RPS6KA3: variants seen among roughly 807,000 people sequenced by gnomAD.
RPS6KA3 encodes ribosomal protein S6 kinase alpha-3.
In RPS6KA3, 4 loss-of-function variants were observed where a neutral mutation model predicts 67.2. The observed-to-expected ratio is 0.06, with a 90% CI of 0.03 to 0.14. RPS6KA3 has a LOEUF of 0.14. RPS6KA3 is among the 10% of genes least tolerant of loss of function. The pLI is 1.00. For synonymous variants in RPS6KA3, 182 were observed against 183.7 expected (o/e 0.99, Z 0.07); for missense variants, 204 against 559.0 (o/e 0.36, Z 6.40).
In RPS6KA3 at chrX:20,250,274, G is replaced by C. The variant is rs1261705253; in HGVS notation, c.70-15460C>G. 2.7e-5 allele frequency among the ~76,000 whole-genome samples: 3 copies of C among 111,698 alleles called. No homozygotes were observed. The Admixed American group carries it at 2.8e-4, about 11-fold the overall frequency. ...TGTGATCATAGCTAACTGCAGCCTT[G>C]AACTCCTGGGCTCAAGGGCTCCTCC... On this transcript the variant is annotated intron_variant, in intron 1 of 21. Transcript: ENST00000379565.
At chrX:20,228,199 T>A (rs2069170249) in intron 2 of RPS6KA3, among the ~76,000 whole-genome samples, 1 of 112,272 alleles carries the variant, frequency 8.9e-6, no homozygotes, top group Non-Finnish European at 1.9e-5. Context: ...CTCATTCTTT[T>A]ATACTGGAAG....
At chrX:20,203,320 T>G (rs2068490981) in intron 4 of RPS6KA3, 1 of 106,053 alleles carries the variant, frequency 9.4e-6, no homozygotes, top group Non-Finnish European at 1.9e-5. Flanking sequence ...TGGAGTGCAA[T>G]GCCACGATCT....
intron 10 of RPS6KA3, among the ~76,000 whole-genome samples, chrX:20,185,103 G>A (rs769757680): frequency 9.0e-6 from 1 of 110,979 alleles, no homozygotes; most frequent in South Asian, 3.8e-4. Context: ...CTGCTACCAT[G>A]CCCGAATAAT....
chrX:20,227,949 TCTCTC>T (rs2069164930), intron 2 of RPS6KA3, among the ~76,000 whole-genome samples: 1 of 111,771 alleles, frequency 8.9e-6, no homozygotes, highest in African/African-American at 3.2e-5. Context: ...TCTTTCTTTT[TCTCTC>T]CTACTTTCTA....
intron 2 of RPS6KA3, among the ~76,000 whole-genome samples, chrX:20,229,127 T>C (rs111483143): frequency 0.017 from 1,859 of 110,206 alleles, 36 homozygotes; most frequent in African/African-American, 0.054. Flanking sequence ...TTTTTTTTTT[T>C]CCCCTCACAG....
rs1371538976 is a variant in RPS6KA3, at chrX:20,153,545, G to T, written c.*1853C>A. 2 of 110,835 alleles carry T rather than the reference G, an allele frequency of 1.8e-5. No individual in the cohort carries two copies. Among genetic ancestry groups the T allele is most frequent in the African/African-American group, 6.6e-5 (2 of 30,503 alleles). 9.1% of individuals were successfully genotyped at this position (110,835 alleles called of 1,213,427 possible). A position where few individuals can be genotyped will look rare whatever the true frequency, so the allele number is the denominator to read the frequency against. ...TTAGGGGAAAATTTAAAGCTTCTGTGGCAGGAAAAAAGGTTTCTGATATAA... is the reference window on the plus strand; with the variant it reads ...TTAGGGGAAAATTTAAAGCTTCTGTTGCAGGAAAAAAGGTTTCTGATATAA... On this transcript the variant is annotated 3_prime_UTR_variant, in exon 22 of 22. Transcript: ENST00000379565.
chrX:20,193,820 T>A (rs937518270), intron 6 of RPS6KA3, among the ~76,000 whole-genome samples: 2 of 112,375 alleles, frequency 1.8e-5, no homozygotes, highest in African/African-American at 6.4e-5. Flanking sequence ...TTACATTTTA[T>A]TGTTAAGTAT....
Position 20,166,125 on chromosome X carries a change from G to T in RPS6KA3, c.1603-1065C>A, listed in dbSNP as rs777455165. 6.2e-5 allele frequency among the ~76,000 whole-genome samples: 7 copies of T among 112,179 alleles called. No individual in the cohort carries two copies. The South Asian group carries it at 2.6e-3, about 41-fold the overall frequency. ...ACTGTGGTAACTGAAACCACAGAAA[G>T]CAAACTTGCAGATTAGTGGGGGACT... On this transcript the variant is annotated intron_variant, in intron 17 of 21. Coordinates refer to ENST00000379565, the MANE Select transcript of RPS6KA3 (RefSeq NM_004586.3).
chrX:20,219,988 T>C (rs2068948964), intron 2 of RPS6KA3, among the ~76,000 whole-genome samples: 1 of 111,361 alleles, frequency 9.0e-6, no homozygotes, highest in South Asian at 3.7e-4. Context: ...CCAAGAATAA[T>C]CAGCTCACTT....
chrX:20,212,541 G>A (rs760876455), intron 2 of RPS6KA3, among the ~76,000 whole-genome samples: 1 of 110,690 alleles, frequency 9.0e-6, no homozygotes, highest in South Asian at 3.9e-4. Context: ...AGTCTAGCCT[G>A]GGCAATATAG....
At chrX:20,180,267 TG>T (rs1285433262) in intron 10 of RPS6KA3, among the ~76,000 whole-genome samples, 1 of 110,793 alleles carries the variant, frequency 9.0e-6, no homozygotes, top group Non-Finnish European at 1.9e-5. Context: ...TCACTTAAAG[TG>T]GGGGCAACCA....
intron 4 of RPS6KA3, among the ~76,000 whole-genome samples, chrX:20,199,969 G>A (rs2068382001): frequency 8.9e-6 from 1 of 112,225 alleles, no homozygotes; most frequent in Admixed American, 9.5e-5. Context: ...CAGACATGGA[G>A]GGTCACAAAA....
intron 1 of RPS6KA3, among the ~76,000 whole-genome samples, chrX:20,253,239 G>A (rs1220516612): frequency 9.3e-6 from 1 of 107,853 alleles, no homozygotes; most frequent in Non-Finnish European, 1.9e-5. Flanking sequence ...TCTTTGGGGT[G>A]GGGTGGGGTG....
chrX:20,163,151 C>A, intron 18 of RPS6KA3, 111 bp from the exon 19 acceptor site: 1 of 542,191 alleles, frequency 1.8e-6, no homozygotes, highest in African/African-American at 2.3e-5. Context: ...AAAATTTCAA[C>A]AGAACATGGT....
intron 1 of RPS6KA3, among the ~76,000 whole-genome samples, chrX:20,258,846 GAAC>G (rs1331226287): frequency 8.9e-6 from 1 of 111,935 alleles, no homozygotes; most frequent in Non-Finnish European, 1.9e-5. Flanking sequence ...TACTTTATGA[GAAC>G]AACAGAAAAG....
At chrX:20,248,073 T>G (rs1479331229) in intron 1 of RPS6KA3, among the ~76,000 whole-genome samples, 1 of 111,995 alleles carries the variant, frequency 8.9e-6, no homozygotes, top group Non-Finnish European at 1.9e-5. Flanking sequence ...CCATTACAGT[T>G]TCTGTTTATG....
rs770713366 is a variant in RPS6KA3, at chrX:20,219,063, T to C, written c.127-9659A>G. 2.7e-3 allele frequency: 893 copies of C among 336,649 alleles called. 5 individuals are homozygous for C. Among genetic ancestry groups the C allele is most frequent in the Non-Finnish European group, 4.2e-3 (800 of 189,665 alleles). 27.7% of individuals were successfully genotyped at this position (336,649 alleles called of 1,213,427 possible). On this transcript the variant is annotated intron_variant, in intron 2 of 21. Transcript: ENST00000379565. ...AGGGGCACTAATGTAGCTGGATAGG[T>C]AGGGAGGCCAGAATAGGAAACCAAA...
rs1333606469 is a variant in RPS6KA3, at chrX:20,153,531, T to C, written c.*1867A>G. On this transcript the variant is annotated 3_prime_UTR_variant, in exon 22 of 22. Coordinates refer to ENST00000379565, the MANE Select transcript of RPS6KA3 (RefSeq NM_004586.3). ...TTGGCTTTGTACTCTTAGGGGAAAA[T>C]TTAAAGCTTCTGTGGCAGGAAAAAA... is the stretch of plus-strand genomic sequence containing the variant. 1 of 111,509 alleles carries C rather than the reference T, an allele frequency of 9.0e-6. No individual in the cohort carries two copies. The highest frequency in any genetic ancestry group is 3.3e-5 in the African/African-American group (1 of 30,682). 9.2% of individuals were successfully genotyped at this position (111,509 alleles called of 1,213,427 possible).
intron 2 of RPS6KA3, among the ~76,000 whole-genome samples, chrX:20,214,360 C>T (rs1326440276): frequency 3.6e-5 from 4 of 112,516 alleles, no homozygotes; most frequent in African/African-American, 1.3e-4. Flanking sequence ...CCTCACACAT[C>T]TGTAAATGTT....
Sources: gnomAD v4.1 joint callset for allele counts (sites outside exome capture counted in the v4.1 genomes callset) on GRCh38, gnomAD v4.1.1 for gene constraint, MANE v1.5 for transcripts, NCBI Gene and HGNC (gene_info 2026-07-23, HGNC 2026-07-21) for gene names.